ASIC2: variants seen among roughly 807,000 people sequenced by gnomAD.
The protein encoded by ASIC2 is acid sensing ion channel subunit 2, also known as acid-sensing ion channel 2.
A neutral mutation model predicts 57.3 loss-of-function variants in ASIC2; 25 were observed. The observed-to-expected ratio is 0.44, with a 90% CI of 0.32 to 0.61. The LOEUF is 0.61. ASIC2 is among the 20% of genes least tolerant of loss of function. ASIC2 has a pLI of 0.06. For synonymous variants in ASIC2, 319 were observed against 307.5 expected, an observed-to-expected ratio of 1.04 and a Z score of -0.39; for missense variants, 641 against 738.1, an observed-to-expected ratio of 0.87 and a Z score of 1.52.
At position 33,405,218 on chromosome 17, in the gene ASIC2, T is replaced by C. The variant is rs886139063; in HGVS notation, c.556-293151A>G. 2.0e-5 allele frequency among the ~76,000 whole-genome samples: 3 copies of C among 152,224 alleles called. No homozygotes were observed. In the East Asian group the frequency reaches 5.8e-4, roughly 29 times the overall value. The stretch of plus-strand genomic sequence containing the variant: ...GAATAAGACCTGGTCTTTGCCCCCA[T>C]GGAGGAGGCAGATATGGGAATCATT... On this transcript the variant is annotated intron_variant, in intron 1 of 9. Coordinates refer to the ASIC2 transcript ENST00000359872.
At chr17:33,036,837 G>T (rs2091910443) in intron 3 of ASIC2, among the ~76,000 whole-genome samples, 1 of 152,042 alleles carries the variant, frequency 6.6e-6, no homozygotes, top group South Asian at 2.1e-4. Flanking sequence ...GTATGACCTT[G>T]AATAAGTCAC....
At chr17:33,042,628 G>A (rs530204368) in intron 3 of ASIC2, among the ~76,000 whole-genome samples, 23 of 152,312 alleles carry the variant, frequency 1.5e-4, no homozygotes, top group Non-Finnish European at 2.8e-4. Context: ...TGAGACTGGA[G>A]CCCAGAGAGG....
intron 1 of ASIC2, among the ~76,000 whole-genome samples, chr17:33,938,357 A>G (rs1916113241): frequency 6.6e-6 from 1 of 152,098 alleles, no homozygotes; most frequent in Non-Finnish European, 1.5e-5. Context: ...CACCAACGCT[A>G]GAGGCTGTTT....
chr17:33,489,358 G>A (rs932220615), intron 1 of ASIC2, among the ~76,000 whole-genome samples: 8 of 152,214 alleles, frequency 5.3e-5, no homozygotes, highest in African/African-American at 1.9e-4. Context: ...TCAAAGAAGT[G>A]AAGGGGTATG....
intron 1 of ASIC2, 106 bp from the exon 2 acceptor site, chr17:33,112,173 C>A (rs539796708): frequency 1.7e-5 from 23 of 1,316,070 alleles, no homozygotes; most frequent in African/African-American, 4.5e-5. Context: ...AGAGTCCCCA[C>A]AGCCCATCAC....
intron 1 of ASIC2, chr17:33,580,283 A>C (rs1256942138): frequency 6.6e-6 from 1 of 152,232 alleles, no homozygotes; most frequent in African/African-American, 2.4e-5. Context: ...GGTAAGACTC[A>C]AAGTCAGGAG....
chr17:33,251,244 T>G (rs1908870604), intron 1 of ASIC2, among the ~76,000 whole-genome samples: 1 of 152,208 alleles, frequency 6.6e-6, no homozygotes, highest in Non-Finnish European at 1.5e-5. Context: ...ACCACAAAAT[T>G]AAGACACATG....
At chr17:33,491,384 C>G (rs1433398981) in intron 1 of ASIC2, among the ~76,000 whole-genome samples, 1 of 152,144 alleles carries the variant, frequency 6.6e-6, no homozygotes, top group Admixed American at 6.5e-5. Context: ...TGCTGTTGTC[C>G]CTGTCTGCAA....
At chr17:33,353,033 G>A (rs1175474129) in intron 1 of ASIC2, among the ~76,000 whole-genome samples, 1 of 152,106 alleles carries the variant, frequency 6.6e-6, no homozygotes, top group Non-Finnish European at 1.5e-5. Context: ...ACTGGATTCT[G>A]AGCTCCTTAA....
At chr17:33,601,817 C>G in intron 1 of ASIC2, among the ~76,000 whole-genome samples, 1 of 152,218 alleles carries the variant, frequency 6.6e-6, no homozygotes, top group East Asian at 1.9e-4. Flanking sequence ...AACCTCCACC[C>G]TTGTGTGCCC....
At chr17:33,904,570 C>T (rs981430380) in intron 1 of ASIC2, among the ~76,000 whole-genome samples, 1 of 152,162 alleles carries the variant, frequency 6.6e-6, no homozygotes, top group Non-Finnish European at 1.5e-5. Context: ...TGGTCTAACC[C>T]AGACGAATGC....
At chr17:33,751,390 C>T (rs1910427139) in intron 1 of ASIC2, among the ~76,000 whole-genome samples, 1 of 131,828 alleles carries the variant, frequency 7.6e-6, no homozygotes, top group South Asian at 2.2e-4. Flanking sequence ...ATGATGCGGC[C>T]ACCTTCTAGA....
At chr17:33,619,220 A>C (rs1251987686) in intron 1 of ASIC2, among the ~76,000 whole-genome samples, 2 of 151,772 alleles carry the variant, frequency 1.3e-5, no homozygotes, top group Non-Finnish European at 1.5e-5. Context: ...TAATAATTTA[A>C]ATAATAATGG....
At chr17:33,665,983 A>C (rs1376269316) in intron 1 of ASIC2, among the ~76,000 whole-genome samples, 1 of 152,176 alleles carries the variant, frequency 6.6e-6, no homozygotes, top group African/African-American at 2.4e-5. Flanking sequence ...GATTACATAC[A>C]GTAACATATA....
At chr17:33,491,751 G>A (rs1913766988) in intron 1 of ASIC2, among the ~76,000 whole-genome samples, 1 of 152,186 alleles carries the variant, frequency 6.6e-6, no homozygotes, top group African/African-American at 2.4e-5. Context: ...GAAACTAGAG[G>A]CTAGAGGGTC....
At chr17:33,159,059 G>A (rs936371613) in intron 1 of ASIC2, among the ~76,000 whole-genome samples, 1 of 152,200 alleles carries the variant, frequency 6.6e-6, no homozygotes, top group African/African-American at 2.4e-5. Context: ...GGTTACCAGC[G>A]AGAGCATTGG....
chr17:33,360,293 T>C (rs994428052), intron 1 of ASIC2, among the ~76,000 whole-genome samples: 3 of 152,192 alleles, frequency 2.0e-5, no homozygotes, highest in African/African-American at 4.8e-5. Flanking sequence ...GAACGGCAAC[T>C]GTAGTGAAGG....
At chr17:34,126,369 G>C (rs1359925295) in intron 1 of ASIC2, among the ~76,000 whole-genome samples, 1 of 152,138 alleles carries the variant, frequency 6.6e-6, no homozygotes, top group Non-Finnish European at 1.5e-5. Context: ...CCACAGCCTG[G>C]GGTGGTGGAG....
At chr17:34,129,347 A>G (rs1417923202) in intron 1 of ASIC2, among the ~76,000 whole-genome samples, 1 of 152,186 alleles carries the variant, frequency 6.6e-6, no homozygotes, top group Non-Finnish European at 1.5e-5. Context: ...CTTGTACAGC[A>G]TAACAAGCCT....
Sources: gnomAD v4.1 joint callset for allele counts (sites outside exome capture counted in the v4.1 genomes callset) on GRCh38, gnomAD v4.1.1 for gene constraint, MANE v1.5 for transcripts, NCBI Gene and HGNC (gene_info 2026-07-23, HGNC 2026-07-21) for gene names.